Variants in GABRR2 observed in about 807,000 individuals in gnomAD.
GABRR2 encodes gamma-aminobutyric acid receptor subunit rho-2.
In GABRR2, 36 loss-of-function variants were observed where a neutral mutation model predicts 47.0. The ratio of observed to expected loss-of-function variants is 0.77; its 90% CI spans 0.59 to 1.01. GABRR2 has a LOEUF of 1.01. Among genes scored for constraint, GABRR2 ranks in the 50% least tolerant of loss-of-function variants. The probability of loss-of-function intolerance (pLI) is 0.00; values close to 1 mark genes in which losing one functional copy is unlikely to be tolerated. For synonymous variants in GABRR2, 204 were observed against 227.5 expected (o/e 0.90, Z 0.93); for missense variants, 587 against 594.6 (o/e 0.99, Z 0.13).
chr6:89,281,690 T>C (rs1427133166), intron 2 of GABRR2, among the ~76,000 whole-genome samples: 2 of 152,082 alleles, frequency 1.3e-5, no homozygotes, highest in Non-Finnish European at 2.9e-5. Flanking sequence ...TGTTTCAGAT[T>C]TCCTCCCACC....
rs1773980370 is a variant in GABRR2 at position 89,269,056 on chromosome 6, A to T, written c.467T>A (p.Ile156Asn). The T allele has an allele frequency of 6.2e-7, 1 of 1,613,906 alleles. No individual in the cohort carries two copies. Among genetic ancestry groups the T allele is most frequent in the Admixed American group, 1.7e-5 (1 of 60,006 alleles). Reference protein sequence around the residue: ...SFTHDTTTDNIMLRVFPDGHV... With the variant: ...SFTHDTTTDNNMLRVFPDGHV... The stretch of plus-strand genomic sequence containing the variant: ...TCCATCTGGGAACACCCTCAGCATG[A>T]TGTTGTCAGTGGTGGTGTCATGAGT... Residue 156 changes from isoleucine (I) to asparagine (N), a missense_variant, in exon 4 of 9, where the codon ATC becomes AAC. Ile to Asn is a moderately radical substitution (Grantham distance 149). Transcript: ENST00000402938.
chr6:89,299,656 T>A, intron 2 of GABRR2, 103 bp downstream of exon 2: 1 of 724,504 alleles, frequency 1.4e-6, no homozygotes, highest in East Asian at 2.6e-5. Context: ...GTGGGAAAAT[T>A]GCACCATCTG....
In GABRR2 at chr6:89,267,778, C is replaced by T. The variant is rs1773938034; in HGVS notation, c.637G>A (p.Gly213Arg). The stretch of plus-strand genomic sequence containing the variant: ...TCATCTGTTTTTAGGGATTCATCCC[C>T]ATTCTTCCAGTACAGCATTAGATCT... ...DEDLMLYWKN[G>R]DESLKTDEKI... Residue 213 changes from glycine (G) to arginine (R), a missense_variant, in exon 6 of 9, where the codon GGG becomes AGG. Coordinates refer to ENST00000402938, the MANE Select transcript of GABRR2 (RefSeq NM_002043.5). 6.8e-6 allele frequency: 11 copies of T among 1,613,740 alleles called. No homozygotes were observed. In the South Asian group the frequency reaches 9.9e-5, roughly 14 times the overall value.
intron 1 of GABRR2, among the ~76,000 whole-genome samples, chr6:89,310,090 G>C (rs1767654513): frequency 6.6e-6 from 1 of 151,460 alleles, no homozygotes; most frequent in African/African-American, 2.4e-5. Context: ...CTCTGGGTTT[G>C]GACAAATGTA....
In GABRR2 at chr6:89,255,475, C is replaced by G. The variant is rs925825288; in HGVS notation, c.*2195G>C. Among the ~76,000 whole-genome samples the G allele has an allele frequency of 2.0e-5, 3 of 152,042 alleles. No homozygotes were observed. Among genetic ancestry groups the G allele is most frequent in the Admixed American group, 2.0e-4 (3 of 15,254 alleles). On this transcript the variant is annotated 3_prime_UTR_variant, in exon 9 of 9. Transcript: ENST00000402938. ...AAGGTTTCTAAACAAGTCCAGATGC[C>G]CTGTACCACCCAATTACCCATATTT...
At chr6:89,287,754 C>T (rs776000333) in intron 2 of GABRR2, among the ~76,000 whole-genome samples, 4 of 152,224 alleles carry the variant, frequency 2.6e-5, no homozygotes, top group Non-Finnish European at 4.4e-5. Context: ...TGGTCTACCT[C>T]CAGAGCCCTG....
intron 8 of GABRR2, among the ~76,000 whole-genome samples, chr6:89,260,058 C>T (rs1339662061): frequency 6.6e-6 from 1 of 151,920 alleles, no homozygotes; most frequent in African/African-American, 2.4e-5. Context: ...CAGGCACACA[C>T]CACCACACCC....
intron 1 of GABRR2, among the ~76,000 whole-genome samples, chr6:89,306,086 T>A (rs1053144024): frequency 1.1e-4 from 16 of 151,738 alleles, no homozygotes; most frequent in African/African-American, 3.4e-4. Flanking sequence ...TTTTTTTTTT[T>A]AATTTCTTGG....
chr6:89,315,242 G>A lies in GABRR2; in HGVS notation c.-77C>T, dbSNP rs756751412. ...GCAAATCCCCCCTGGCTTGACCATT[G>A]ATCCATCTGCTGCCTCCTGACGGGC... On this transcript the variant is annotated 5_prime_UTR_variant, in exon 1 of 9. An upstream open reading frame in the 5' UTR gains an earlier in-frame stop. Coordinates refer to ENST00000402938, the MANE Select transcript of GABRR2 (RefSeq NM_002043.5). 1 of 1,605,310 alleles carries A rather than the reference G, an allele frequency of 6.2e-7. No individual in the cohort carries two copies. The highest frequency in any genetic ancestry group is 8.5e-7 in the Non-Finnish European group (1 of 1,174,904).
chr6:89,302,274 C>A, intron 1 of GABRR2: 1 of 567,214 alleles, frequency 1.8e-6, no homozygotes, highest in Non-Finnish European at 3.5e-6. Context: ...ATCATGAACA[C>A]CTTCAGCGTA....
intron 1 of GABRR2, among the ~76,000 whole-genome samples, chr6:89,307,149 G>C (rs970781604): frequency 6.6e-6 from 1 of 152,144 alleles, no homozygotes; most frequent in Non-Finnish European, 1.5e-5. Flanking sequence ...CTGTAACCCA[G>C]ATGCTTCTCA....
intron 1 of GABRR2, among the ~76,000 whole-genome samples, chr6:89,311,611 A>T (rs989958715): frequency 6.6e-6 from 1 of 152,190 alleles, no homozygotes; most frequent in Non-Finnish European, 1.5e-5. Flanking sequence ...AGGGAAGAAG[A>T]AAAATGGATC....
intron 1 of GABRR2, chr6:89,302,532 G>C (rs1269396947): frequency 1.2e-6 from 1 of 847,862 alleles, no homozygotes; most frequent in African/African-American, 1.7e-5. Context: ...TGCACAAGCT[G>C]GTGGTGAACA....
At chr6:89,276,107 C>T (rs1282659776) in intron 2 of GABRR2, among the ~76,000 whole-genome samples, 2 of 146,444 alleles carry the variant, frequency 1.4e-5, no homozygotes, top group Non-Finnish European at 3.0e-5. Context: ...ATATTATATA[C>T]ATTATAAATC....
At chr6:89,275,315 C>G (rs1183971904) in intron 2 of GABRR2, among the ~76,000 whole-genome samples, 1 of 152,068 alleles carries the variant, frequency 6.6e-6, no homozygotes, top group Non-Finnish European at 1.5e-5. Context: ...GCTCTGTCAC[C>G]CAGGCTGGAG....
At chr6:89,259,501 T>C (rs1773688357) in intron 8 of GABRR2, among the ~76,000 whole-genome samples, 1 of 139,394 alleles carries the variant, frequency 7.2e-6, no homozygotes, top group African/African-American at 2.6e-5. Flanking sequence ...TCTTTTTTTT[T>C]GTTTTGTTTT....
chr6:89,292,782 ATATAC>A (rs1774483427), intron 2 of GABRR2, among the ~76,000 whole-genome samples: 28 of 55,250 alleles, frequency 5.1e-4, no homozygotes, highest in South Asian at 2.1e-3. Context: ...TATATATCGT[ATATAC>A]GATATATCGT....
At chr6:89,314,927 C>G (rs942207100) in intron 1 of GABRR2, 126 bp downstream of exon 1, 1 of 774,836 alleles carries the variant, frequency 1.3e-6, no homozygotes, top group Non-Finnish European at 2.2e-6. Flanking sequence ...AGTGAAGTAG[C>G]TGGGTTCTCA....
intron 1 of GABRR2, among the ~76,000 whole-genome samples, chr6:89,314,746 G>A (rs1469355756): frequency 6.6e-6 from 1 of 152,166 alleles, no homozygotes; most frequent in African/African-American, 2.4e-5. Context: ...AGCACAATGT[G>A]ATTTGTACAG....
Sources: gnomAD v4.1 joint callset for allele counts (sites outside exome capture counted in the v4.1 genomes callset) on GRCh38, gnomAD v4.1.1 for gene constraint, MANE v1.5 for transcripts, NCBI Gene and HGNC (gene_info 2026-07-23, HGNC 2026-07-21) for gene names.